The following PCCA variants were observed in gnomAD, a reference collection of about 807,000 sequenced individuals.
The protein encoded by PCCA is propionyl-CoA carboxylase alpha chain, mitochondrial.
In PCCA, 74 loss-of-function variants were observed where a neutral mutation model predicts 101.3. That is an observed-to-expected ratio of 0.73 (90% CI 0.61 to 0.89). The LOEUF (loss-of-function observed/expected upper bound fraction) is 0.89, where lower values mean the gene tolerates loss of function less well. PCCA is among the 40% of genes least tolerant of loss of function. PCCA has a pLI of 0.00. For missense variants in PCCA, 891 were observed against 907.0 expected, an observed-to-expected ratio of 0.98 and a Z score of 0.23; for synonymous variants, 294 against 313.6, an observed-to-expected ratio of 0.94 and a Z score of 0.66.
intron 21 of PCCA, chr13:100,480,116 C>G: frequency 7.7e-6 from 1 of 129,404 alleles, no homozygotes; most frequent in Middle Eastern, 3.6e-3. Flanking sequence ...TCTCTTGACT[C>G]TTTGATATTT....
chr13:100,285,192 G>C (rs1012695153), intron 12 of PCCA, among the ~76,000 whole-genome samples: 3 of 152,182 alleles, frequency 2.0e-5, no homozygotes, highest in Non-Finnish European at 2.9e-5. Context: ...GCCGACTATG[G>C]ATCCCCGGAT....
intron 10 of PCCA, among the ~76,000 whole-genome samples, chr13:100,263,680 A>G (rs183825486): frequency 6.6e-6 from 1 of 152,272 alleles, no homozygotes; most frequent in East Asian, 1.9e-4. Context: ...GTTTTACAAC[A>G]TTGAACACAG....
At chr13:100,279,859 C>CT (rs1340328193) in intron 12 of PCCA, among the ~76,000 whole-genome samples, 1 of 152,164 alleles carries the variant, frequency 6.6e-6, no homozygotes, top group Admixed American at 6.5e-5. Context: ...TCACCAAATT[C>CT]TTTATCTCCC....
At chr13:100,257,379 A>G (rs1035217338) in intron 8 of PCCA, among the ~76,000 whole-genome samples, 1 of 19,814 alleles carries the variant, frequency 5.0e-5, no homozygotes, top group Admixed American at 1.1e-3. Context: ...TGGTACAAGT[A>G]CCCTTTTTTC....
At chr13:100,402,540 G>T (rs1228841207) in intron 19 of PCCA, among the ~76,000 whole-genome samples, 2 of 152,130 alleles carry the variant, frequency 1.3e-5, no homozygotes, top group Non-Finnish European at 2.9e-5. Context: ...CTTCATGAGG[G>T]CCATGAAGGA....
At chr13:100,469,383 G>A (rs1596041371) in intron 21 of PCCA, among the ~76,000 whole-genome samples, 2 of 152,208 alleles carry the variant, frequency 1.3e-5, no homozygotes, top group Non-Finnish European at 2.9e-5. Flanking sequence ...ATTCCTGGCG[G>A]CAGAAACATG....
chr13:100,165,639 T>C (rs568163585), intron 6 of PCCA, among the ~76,000 whole-genome samples: 1 of 152,352 alleles, frequency 6.6e-6, no homozygotes, highest in African/African-American at 2.4e-5. Flanking sequence ...TGTGTTTTCC[T>C]CTACTCATCT....
intron 21 of PCCA, among the ~76,000 whole-genome samples, chr13:100,488,587 A>G (rs953092535): frequency 1.3e-5 from 2 of 151,272 alleles, no homozygotes; most frequent in Non-Finnish European, 2.9e-5. Context: ...AGCCTGGGCA[A>G]CAACATAGTG....
At chr13:100,234,716 A>G (rs557167994) in intron 7 of PCCA, among the ~76,000 whole-genome samples, 33 of 148,406 alleles carry the variant, frequency 2.2e-4, no homozygotes, top group African/African-American at 6.6e-4. Flanking sequence ...TTCTCGGAGG[A>G]TTCTGACATG....
chr13:100,524,230 C>T (rs1261014597), intron 22 of PCCA, among the ~76,000 whole-genome samples: 3 of 152,244 alleles, frequency 2.0e-5, no homozygotes, highest in East Asian at 1.9e-4. Context: ...CCCTGGAGCA[C>T]GCCCTCGAGT....
intron 19 of PCCA, among the ~76,000 whole-genome samples, chr13:100,388,956 T>C (rs1366523079): frequency 2.0e-5 from 3 of 152,198 alleles, no homozygotes; most frequent in African/African-American, 7.2e-5. Context: ...TATAGCACCA[T>C]GCATTGATCA....
chr13:100,461,853 A>G (rs1396294176), intron 21 of PCCA, among the ~76,000 whole-genome samples: 1 of 152,126 alleles, frequency 6.6e-6, no homozygotes, highest in Non-Finnish European at 1.5e-5. Context: ...CTTTCTCTGG[A>G]GGGGAAAAGA....
intron 10 of PCCA, 87 bp from the exon 11 acceptor site, chr13:100,268,602 C>A: frequency 2.2e-6 from 2 of 914,696 alleles, no homozygotes; most frequent in South Asian, 1.3e-5. Flanking sequence ...TATTAAAAAC[C>A]AAGAGATGTT....
rs573909130 is a variant in PCCA at position 100,264,925 on chromosome 13, T to C, written c.819+2094T>C. Among the ~76,000 whole-genome samples the C allele has an allele frequency of 3.9e-5, 6 of 152,364 alleles. No homozygotes were observed. In the East Asian group the frequency reaches 1.2e-3, roughly 29 times the overall value. On this transcript the variant is annotated intron_variant, in intron 10 of 23. Coordinates refer to ENST00000376285, the MANE Select transcript of PCCA (RefSeq NM_000282.4). ...GTATGTCTGTTTAATTTGCATTTCC[T>C]GGATGAGTAATGATGTTAAGCATCT...
intron 22 of PCCA, chr13:100,527,403 A>T (rs1338098167): frequency 5.5e-6 from 3 of 547,752 alleles, no homozygotes; most frequent in African/African-American, 1.9e-5. Flanking sequence ...CCAGACTCAG[A>T]GATCCCCAGG....
At chr13:100,141,399 A>C (rs1337747324) in intron 4 of PCCA, among the ~76,000 whole-genome samples, 1 of 142,170 alleles carries the variant, frequency 7.0e-6, no homozygotes, top group Admixed American at 6.7e-5. Flanking sequence ...TTTTTATTAC[A>C]TTTATTTATT....
chr13:100,162,067 C>T (rs956374698), intron 6 of PCCA, among the ~76,000 whole-genome samples: 2 of 144,824 alleles, frequency 1.4e-5, no homozygotes, highest in African/African-American at 5.1e-5. Flanking sequence ...CCTTCTGGAG[C>T]ATGTGTGTCT....
chr13:100,383,445 A>T (rs7330289), intron 19 of PCCA, among the ~76,000 whole-genome samples: 3 of 151,936 alleles, frequency 2.0e-5, no homozygotes, highest in African/African-American at 7.2e-5. Flanking sequence ...CTGGCAACAA[A>T]AAAAATTTTA....
intron 11 of PCCA, among the ~76,000 whole-genome samples, chr13:100,270,452 A>G (rs879835615): frequency 5.3e-5 from 8 of 152,138 alleles, no homozygotes; most frequent in Admixed American, 1.3e-4. Context: ...TTTTAGTAAA[A>G]ACCTACTCAA....
Sources: gnomAD v4.1 joint callset for allele counts (sites outside exome capture counted in the v4.1 genomes callset) on GRCh38, gnomAD v4.1.1 for gene constraint, MANE v1.5 for transcripts, NCBI Gene and HGNC (gene_info 2026-07-23, HGNC 2026-07-21) for gene names.